The following MYH2 variants were observed in gnomAD, a reference collection of about 807,000 sequenced individuals.
MYH2 encodes the protein myosin heavy chain 2, also known as myosin-2.
A neutral mutation model predicts 228.1 loss-of-function variants in MYH2; 139 were observed. That is an observed-to-expected ratio of 0.61 (90% CI 0.53 to 0.70). The LOEUF (loss-of-function observed/expected upper bound fraction) is 0.70, where lower values mean the gene tolerates loss of function less well. Ranked by LOEUF, MYH2 falls within the 30% of genes least tolerant of loss-of-function variation. The probability of loss-of-function intolerance (pLI) is 0.00; values close to 1 mark genes in which losing one functional copy is unlikely to be tolerated. For missense variants in MYH2, 1,809 were observed against 2,357.5 expected, an observed-to-expected ratio of 0.77 and a Z score of 4.82; for synonymous variants, 796 against 871.1, an observed-to-expected ratio of 0.91 and a Z score of 1.52.
At position 10,527,799 on chromosome 17, in the gene MYH2, G is replaced by A. The variant is rs191102801; in HGVS notation, c.3820C>T (p.Arg1274Trp). The A allele has an allele frequency of 6.4e-5, 104 of 1,613,992 alleles. No individual in the cohort carries two copies. In the African/African-American group the frequency reaches 7.1e-4, roughly 11 times the overall value. The stretch of plus-strand genomic sequence containing the variant: ...TGCGCAGTCAGGTCATTGATCAGCC[G>A]CTGCTGCTCCTCTTCCTTTGATTTC... ...ELKSKEEEQQ[R>W]LINDLTAQRG... Residue 1274 changes from arginine to tryptophan, a missense_variant, in exon 28 of 40, where the codon CGG becomes TGG. Arg to Trp is a moderately radical substitution (Grantham distance 101). Transcript: ENST00000245503.
At position 10,542,849 on chromosome 17, in the gene MYH2, T is replaced by C. The variant is rs1049794022; in HGVS notation, c.904+26A>G. 2.7e-5 allele frequency: 40 copies of C among 1,507,510 alleles called. No individual in the cohort carries two copies. In the Admixed American group the frequency reaches 5.7e-4, roughly 22 times the overall value. The allele number at this position is 1,507,510 out of a possible 1,614,324, so 93.4% of individuals were successfully genotyped here. On this transcript the variant is annotated intron_variant, in intron 10 of 39. Coordinates refer to ENST00000245503, the MANE Select transcript of MYH2 (RefSeq NM_017534.6). ...TTGATAGGTACTGATGCAGTAATTC[T>C]GGAAAAGAATTATGACATTTCTTAC...
At position 10,535,834 on chromosome 17, in the gene MYH2, C is replaced by A. The variant is rs570145420; in HGVS notation, c.1975-469G>T. On this transcript the variant is annotated intron_variant, in intron 17 of 39. Transcript: ENST00000245503. ...GGGATAGAGATTATCTACAGGGGAG[C>A]AATCCTACCAATTATAATTGAAAAT... 3.3e-5 allele frequency among the ~76,000 whole-genome samples: 5 copies of A among 152,276 alleles called. No homozygotes were observed. In the South Asian group the frequency reaches 1.0e-3, roughly 32 times the overall value.
chr17:10,531,765 C>T lies in MYH2; in HGVS notation c.2565G>A (p.Met855Ile), dbSNP rs184494954. The change falls in exon 22 of 40, where the codon ATG (methionine) becomes ATA (isoleucine). Residue 855 changes from methionine to isoleucine, a missense_variant. By Grantham distance (10) the Met-to-Ile change is conservative (BLOSUM62 1). This residue lies in a region of MYH2 where 276 missense variants were observed against 344.2 expected (regional missense o/e 0.80). Coordinates refer to ENST00000245503, the MANE Select transcript of MYH2 (RefSeq NM_017534.6). ...TCTGAAATTCTTCCTTCATGGTGGC[C>T]ATCTCCTTCTCAGTTTCTGCACTCT... is the stretch of plus-strand genomic sequence containing the variant. ...LLKSAETEKE[M>I]ATMKEEFQKI... 1.1e-4 allele frequency: 179 copies of T among 1,614,184 alleles called. No homozygotes were observed. Among genetic ancestry groups the T allele is most frequent in the Admixed American group, 2.3e-4 (14 of 60,022 alleles).
chr17:10,546,048 G>A (rs542277100), intron 4 of MYH2, among the ~76,000 whole-genome samples: 4 of 151,610 alleles, frequency 2.6e-5, no homozygotes, highest in African/African-American at 7.3e-5. Flanking sequence ...TATTTTCTTT[G>A]CAGCATTAAG....
At chr17:10,533,920 T>C (rs575950711) in intron 19 of MYH2, among the ~76,000 whole-genome samples, 1 of 152,340 alleles carries the variant, frequency 6.6e-6, no homozygotes, top group East Asian at 1.9e-4. Context: ...CAATAAAATG[T>C]AATCTGTTAT....
In MYH2 at chr17:10,537,200, A is replaced by G. The variant is rs1437986118; in HGVS notation, c.1897+33T>C. 2 of 1,613,146 alleles carry G rather than the reference A, an allele frequency of 1.2e-6. No homozygotes were observed. The highest frequency in any genetic ancestry group is 3.3e-5 in the Admixed American group (2 of 60,014). On this transcript the variant is annotated intron_variant, in intron 16 of 39. Coordinates refer to ENST00000245503, the MANE Select transcript of MYH2 (RefSeq NM_017534.6). This position sits in a 1 kb window ranked among gnomAD's most constrained non-coding sequence, Gnocchi z 4.0. ...TCAATTTAACATCACATTTTGTAAT[A>G]CCTAGAGAGTATTATTAACATTTGA...
intron 39 of MYH2, 81 bp from the exon 40 acceptor site, chr17:10,521,513 G>T: frequency 6.8e-7 from 1 of 1,466,986 alleles, no homozygotes; most frequent in Non-Finnish European, 9.5e-7. Context: ...AAAGGACTTG[G>T]CATCTATGGA....
chr17:10,537,104 T>C lies in MYH2; in HGVS notation c.1897+129A>G. On this transcript the variant is annotated intron_variant, in intron 16 of 39. Coordinates refer to ENST00000245503, the MANE Select transcript of MYH2 (RefSeq NM_017534.6). This position sits in a 1 kb window ranked among gnomAD's most constrained non-coding sequence, Gnocchi z 4.0. ...AAATGTATAATTACAAGGCTGCCTA[T>C]CTATTCAATACTTGGAGGAACCAGG... is the stretch of plus-strand genomic sequence containing the variant. 3 of 1,234,718 alleles carry C rather than the reference T, an allele frequency of 2.4e-6. No homozygotes were observed. Among genetic ancestry groups the C allele is most frequent in the Non-Finnish European group, 3.5e-6 (3 of 848,758 alleles). 76.5% of individuals were successfully genotyped at this position (1,234,718 alleles called of 1,614,324 possible).
At position 10,526,776 on chromosome 17, in the gene MYH2, T is replaced by C. The variant is rs996870471; in HGVS notation, c.4010A>G (p.His1337Arg). ...GTCGTGGCGGGAAGACTGCAGGGCA[T>C]GCGCCAGGGCGTTCTTGGCCTATGG... is the stretch of plus-strand genomic sequence containing the variant. Reference protein sequence around the residue: ...EEIKAKNALAHALQSSRHDCD... With the variant: ...EEIKAKNALARALQSSRHDCD... Residue 1337 changes from histidine to arginine, a missense_variant, in exon 30 of 40, where the codon CAT becomes CGT. Coordinates refer to ENST00000245503, the MANE Select transcript of MYH2 (RefSeq NM_017534.6). The C allele has an allele frequency of 5.0e-6, 8 of 1,614,264 alleles. No individual in the cohort carries two copies. The highest frequency in any genetic ancestry group is 5.9e-6 in the Non-Finnish European group (7 of 1,180,044).
intron 10 of MYH2, among the ~76,000 whole-genome samples, 159 bp from the exon 11 acceptor site, chr17:10,540,856 G>T (rs1378648999): frequency 3.9e-5 from 6 of 152,194 alleles, no homozygotes; most frequent in Non-Finnish European, 7.3e-5. Flanking sequence ...AAGTTGTGAA[G>T]ATTTCATGGA....
chr17:10,540,117 C>T (rs376788818), intron 11 of MYH2, 51 bp from the exon 12 acceptor site: 269 of 1,608,830 alleles, frequency 1.7e-4, no homozygotes, highest in Non-Finnish European at 2.1e-4. Context: ...CACACGCTTA[C>T]TGTTAATACT....
At chr17:10,549,445 A>G (rs1185269133) in intron 1 of MYH2, 28 bp from the exon 2 acceptor site, 1 of 152,736 alleles carries the variant, frequency 6.5e-6, no homozygotes, top group Non-Finnish European at 1.5e-5. Context: ...AAAGCACTTG[A>G]TTAGTTGACC....
chr17:10,537,115 C>T lies in MYH2; in HGVS notation c.1897+118G>A. 7.3e-7 allele frequency: 1 copy of T among 1,370,666 alleles called. No homozygotes were observed. Among genetic ancestry groups the T allele is most frequent in the South Asian group, 1.2e-5 (1 of 85,526 alleles). 84.9% of individuals were successfully genotyped at this position (1,370,666 alleles called of 1,614,324 possible). On this transcript the variant is annotated intron_variant, in intron 16 of 39. Transcript: ENST00000245503. The surrounding 1 kb of genome is among the most constrained non-coding windows in gnomAD (Gnocchi z 4.0). ...TACAAGGCTGCCTATCTATTCAATACTTGGAGGAACCAGGGGCTTGGTCTG... is the reference window on the plus strand; with the variant it reads ...TACAAGGCTGCCTATCTATTCAATATTTGGAGGAACCAGGGGCTTGGTCTG...
In MYH2 at chr17:10,528,791, T is replaced by C; in HGVS notation, c.3643A>G (p.Asn1215Asp). Residue 1215 changes from asparagine (N) to aspartate (D), a missense_variant, in exon 27 of 40, where the codon AAC becomes GAC. Asn to Asp is a conservative substitution (Grantham distance 23, BLOSUM62 1). This residue lies in a region of MYH2 where 636 missense variants were observed against 729.9 expected (regional missense o/e 0.87). Transcript: ENST00000245503. ...SVAELGEQID[N>D]LQRVKQKLEK... is the part of the protein sequence containing the mutation. Reference sequence around the variant, plus strand: ...AGCTTCTGCTTCACTCGCTGCAGGTTGTCAATCTGCTCCCCAAGCTCGGCC... The same window carrying C: ...AGCTTCTGCTTCACTCGCTGCAGGTCGTCAATCTGCTCCCCAAGCTCGGCC... 6.2e-7 allele frequency: 1 copy of C among 1,614,206 alleles called. No individual in the cohort carries two copies. Among genetic ancestry groups the C allele is most frequent in the Non-Finnish European group, 8.5e-7 (1 of 1,180,020 alleles).
rs989624195 is a variant in MYH2 at position 10,526,449 on chromosome 17, C to T, written c.4187+150G>A. ...AGGCAGGGACCATATTTGATTTATT[C>T]ATGTCTTATTCTCAGGGCCTGATTG... On this transcript the variant is annotated intron_variant, in intron 30 of 39. Coordinates refer to ENST00000245503, the MANE Select transcript of MYH2 (RefSeq NM_017534.6). 3.1e-6 allele frequency: 4 copies of T among 1,298,530 alleles called. No individual in the cohort carries two copies. The African/African-American group carries it at 4.4e-5, about 14-fold the overall frequency. The allele number at this position is 1,298,530 out of a possible 1,614,324, so 80.4% of individuals were successfully genotyped here. A position where few individuals can be genotyped will look rare whatever the true frequency, so the allele number is the denominator to read the frequency against.
intron 21 of MYH2, among the ~76,000 whole-genome samples, chr17:10,532,533 TTTA>T (rs2073437317): frequency 6.6e-6 from 1 of 152,164 alleles, no homozygotes; most frequent in Admixed American, 6.5e-5. Flanking sequence ...ATGACCAAAA[TTTA>T]TTATTTTTAA....
At chr17:10,547,344 C>T (rs542193191) in intron 4 of MYH2, 131 bp downstream of exon 4, 8 of 1,208,560 alleles carry the variant, frequency 6.6e-6, no homozygotes, top group South Asian at 1.2e-5. Flanking sequence ...AATCATGAAG[C>T]CTTTTAACTA....
intron 4 of MYH2, among the ~76,000 whole-genome samples, chr17:10,545,969 CAGA>C (rs1027320601): frequency 1.5e-4 from 23 of 152,062 alleles, no homozygotes; most frequent in African/African-American, 4.6e-4. Context: ...TTTTACATAG[CAGA>C]AGAAGAAGTA....
chr17:10,537,797 A>G lies in MYH2; in HGVS notation c.1455T>C (p.Asn485=), dbSNP rs958742650. 6.8e-6 allele frequency: 11 copies of G among 1,614,084 alleles called. No homozygotes were observed. Among genetic ancestry groups the G allele is most frequent in the Admixed American group, 3.3e-5 (2 of 60,008 alleles). The stretch of plus-strand genomic sequence containing the variant: ...GGTTGAAAAACTGTTGCAGTTTCTC[A>G]TTGGTGAAGTTGATGCACAGCTGCT... ...SLEQLCINFT[N]EKLQQFFNHH... Residue 485 remains asparagine (N), a synonymous_variant, in exon 15 of 40, where the codon AAT becomes AAC. Coordinates refer to ENST00000245503, the MANE Select transcript of MYH2 (RefSeq NM_017534.6). The surrounding 1 kb of genome is among the most constrained non-coding windows in gnomAD (Gnocchi z 4.0).
Sources: allele counts gnomAD v4.1 joint callset (sites outside exome capture counted in the v4.1 genomes callset), GRCh38; gene constraint gnomAD v4.1.1; regional missense constraint gnomAD v4.1.1; non-coding constraint Gnocchi (gnomAD v3.1); transcripts MANE v1.5; gene names NCBI Gene and HGNC (gene_info 2026-07-23, HGNC 2026-07-21).